Variants in RAVER1 observed in about 807,000 individuals in gnomAD.
RAVER1 encodes the protein ribonucleoprotein PTB-binding 1.
Under a neutral mutation model 68.4 loss-of-function variants are expected in RAVER1, and 36 were observed. The observed-to-expected ratio is 0.53, with a 90% CI of 0.40 to 0.70. The LOEUF (loss-of-function observed/expected upper bound fraction) is 0.70. RAVER1 is among the 30% of genes least tolerant of loss of function. The pLI, the probability that RAVER1 is intolerant of heterozygous loss-of-function variation, is 0.00. For synonymous variants in RAVER1, 469 were observed against 472.7 expected, an observed-to-expected ratio of 0.99 and a Z score of 0.10; for missense variants, 933 against 1,019.8, an observed-to-expected ratio of 0.91 and a Z score of 1.16.
Position 10,316,496 on chromosome 19 carries a change from A to G in RAVER1, c.*958T>C. 1.0e-6 allele frequency: 1 copy of G among 989,932 alleles called. No individual in the cohort carries two copies. The highest frequency in any genetic ancestry group is 1.2e-6 in the Non-Finnish European group (1 of 832,698). 61.3% of individuals were successfully genotyped at this position (989,932 alleles called of 1,614,324 possible). On this transcript the variant is annotated 3_prime_UTR_variant, in exon 13 of 13. Coordinates refer to ENST00000617231, the MANE Select transcript of RAVER1 (RefSeq NM_133452.3). ...ATCTGGCCGGGGGTGGGCAGGCAGA[A>G]TTCAAGAATTCATCTTCAACAAGCG... is the stretch of plus-strand genomic sequence containing the variant.
At chr19:10,332,299 C>T in intron 1 of RAVER1, among the ~76,000 whole-genome samples, 1 of 152,298 alleles carries the variant, frequency 6.6e-6, no homozygotes, top group Non-Finnish European at 1.5e-5. Context: ...TGCCCAGCCT[C>T]TCAAGCCAGC....
rs188853875 is a variant in RAVER1, at chr19:10,329,056, G to A, written c.342C>T (p.His114=). The A allele has an allele frequency of 5.4e-5, 83 of 1,528,802 alleles. 1 individual carries two copies. The East Asian group carries it at 1.7e-3, about 31-fold the overall frequency. The allele number at this position is 1,528,802 out of a possible 1,614,324, so 94.7% of individuals were successfully genotyped here. The change falls in exon 3 of 13, where the codon CAC becomes CAT. Residue 114 remains histidine, a synonymous_variant. Coordinates refer to ENST00000617231, the MANE Select transcript of RAVER1 (RefSeq NM_133452.3). The surrounding 1 kb of genome is among the most constrained non-coding windows in gnomAD (Gnocchi z 4.6). The part of the protein sequence containing the change: ...EQAEAAINAF[H]QSRLRERELS... ...GTTCACGCTCCCGCAGGCGGCTCTG[G>A]TGGAAAGCATTGATTGCGGCCTCGG...
rs972718059 is a variant in RAVER1, at chr19:10,318,090, A to C, written c.1989+139T>G. 1.6e-5 allele frequency: 11 copies of C among 685,670 alleles called. No homozygotes were observed. In the African/African-American group the frequency reaches 2.0e-4, roughly 13 times the overall value. The allele number at this position is 685,670 out of a possible 1,614,324, so 42.5% of individuals were successfully genotyped here. A position where few individuals can be genotyped will look rare whatever the true frequency, so the allele number is the denominator to read the frequency against. On this transcript the variant is annotated intron_variant, in intron 11 of 12. Transcript: ENST00000617231. The stretch of plus-strand genomic sequence containing the variant: ...GGATGGAGGACAATAGGCTGTTGCT[A>C]CTCCACCCTGAGCAAGACCAACCCC...
At position 10,328,694 on chromosome 19, in the gene RAVER1, A is replaced by C. The variant is rs778928206; in HGVS notation, c.704T>G (p.Val235Gly). ...VDRLPPGFND[V>G]DALCRALSAV... is the part of the protein sequence containing the mutation. ...TGACAGCGCCCGGCACAGAGCGTCC[A>C]CATCGTTGAAGCCAGGTGGCAGGCG... Residue 235 changes from valine to glycine, a missense_variant, in exon 3 of 13, where the codon GTG (valine) becomes GGG (glycine). Physicochemically the swap from Val to Gly is moderately radical, Grantham distance 109 (BLOSUM62 -3). This residue lies in a region of RAVER1 where 699 missense variants were observed against 731.1 expected (regional missense o/e 0.96). Transcript: ENST00000617231. The surrounding 1 kb of genome is among the most constrained non-coding windows in gnomAD (Gnocchi z 4.4). 1.0e-5 allele frequency: 16 copies of C among 1,603,268 alleles called. No individual in the cohort carries two copies. The Admixed American group carries it at 2.4e-4, about 24-fold the overall frequency.
At chr19:10,321,410 G>T in intron 7 of RAVER1, 121 bp downstream of exon 7, 1 of 898,908 alleles carries the variant, frequency 1.1e-6, no homozygotes. Flanking sequence ...CTGAGTGGAG[G>T]GCACCCAACT....
chr19:10,333,343 G>C lies in RAVER1; in HGVS notation c.165C>G (p.Phe55Leu). 6.2e-7 allele frequency: 1 copy of C among 1,613,840 alleles called. No individual in the cohort carries two copies. The highest frequency in any genetic ancestry group is 8.5e-7 in the Non-Finnish European group (1 of 1,179,784). The change falls in exon 1 of 13, where the codon TTC becomes TTG. Residue 55 changes from phenylalanine (F) to leucine (L), a missense_variant. Phe to Leu is a conservative substitution (Grantham distance 22). Coordinates refer to ENST00000617231, the MANE Select transcript of RAVER1 (RefSeq NM_133452.3). This position sits in a 1 kb window ranked among gnomAD's most constrained non-coding sequence, Gnocchi z 4.2. ...GGATCAGTATCTTGCGGCGGTTACGGAACTGGCGCTCGGTGTGTTCCAGGC... is the reference window on the plus strand; with the variant it reads ...GGATCAGTATCTTGCGGCGGTTACGCAACTGGCGCTCGGTGTGTTCCAGGC... ...RKRLEHTERQ[F>L]RNRRKILIRG...
Position 10,320,922 on chromosome 19 carries a change from G to C in RAVER1, c.1503C>G (p.Asp501Glu). The C allele has an allele frequency of 1.3e-6, 2 of 1,497,340 alleles. No homozygotes were observed. The highest frequency in any genetic ancestry group is 2.5e-5 in the Admixed American group (1 of 40,580). The allele number at this position is 1,497,340 out of a possible 1,614,324, so 92.8% of individuals were successfully genotyped here. ...GGTAGGGATTCAGGGGAATCCGGTAGTCCTTGGGGGGCTCCCCCAGCAGTG... is the reference window on the plus strand; with the variant it reads ...GGTAGGGATTCAGGGGAATCCGGTACTCCTTGGGGGGCTCCCCCAGCAGTG... ...GVSLLGEPPK[D>E]YRIPLNPYLN... Residue 501 changes from aspartate (D) to glutamate (E), a missense_variant, in exon 9 of 13, where the codon GAC becomes GAG. Physicochemically the swap from Asp to Glu is conservative, Grantham distance 45. This residue lies in a region of RAVER1 where 699 missense variants were observed against 731.1 expected (regional missense o/e 0.96). Transcript: ENST00000617231.
In RAVER1 at chr19:10,320,281, C is replaced by T. The variant is rs147536270; in HGVS notation, c.1770+374G>A. 4.8e-3 allele frequency among the ~76,000 whole-genome samples: 726 copies of T among 151,882 alleles called. 8 individuals are homozygous for T. The highest frequency in any genetic ancestry group is 0.016 in the African/African-American group (683 of 41,426). ...TACTTTGGGAGGCTGAGGCGGGTGG[C>T]TCACTTGAGGTCAGGAGTTTGAGAC... is the stretch of plus-strand genomic sequence containing the variant. On this transcript the variant is annotated intron_variant, in intron 9 of 12. Coordinates refer to ENST00000617231, the MANE Select transcript of RAVER1 (RefSeq NM_133452.3).
In RAVER1 at chr19:10,329,437, G is replaced by A. The variant is rs2040498457; in HGVS notation, c.287-326C>T. Among the ~76,000 whole-genome samples, 1 of 152,244 alleles carries A rather than the reference G, an allele frequency of 6.6e-6. No individual in the cohort carries two copies. The highest frequency in any genetic ancestry group is 2.1e-4 in the South Asian group (1 of 4,830). Reference sequence around the variant, plus strand: ...AGTGGTTAAGCCCATGCTCACTGGGGCCCAGATTTAAGCCCCAAGCCCCAG... The same window carrying A: ...AGTGGTTAAGCCCATGCTCACTGGGACCCAGATTTAAGCCCCAAGCCCCAG... On this transcript the variant is annotated intron_variant, in intron 2 of 12. Transcript: ENST00000617231. The surrounding 1 kb of genome is among the most constrained non-coding windows in gnomAD (Gnocchi z 4.6).
In RAVER1 at chr19:10,320,770, C is replaced by T; in HGVS notation, c.1655G>A (p.Gly552Asp). ...CTGGAAGGCTTTGCTGCTGCTGCTG[C>T]CACCTCCAGGGGCTGGGGGGTTAGT... ...PPTNPPAPGG[G>D]SSSSKAFQLK... Residue 552 changes from glycine (G) to aspartate (D), a missense_variant, in exon 9 of 13, where the codon GGC (glycine) becomes GAC (aspartate). Coordinates refer to ENST00000617231, the MANE Select transcript of RAVER1 (RefSeq NM_133452.3). The T allele has an allele frequency of 6.7e-7, 1 of 1,502,716 alleles. No individual in the cohort carries two copies. Among genetic ancestry groups the T allele is most frequent in the African/African-American group, 1.5e-5 (1 of 67,852 alleles). The allele number at this position is 1,502,716 out of a possible 1,614,324, so 93.1% of individuals were successfully genotyped here.
At chr19:10,331,356 C>CAAAAAAAA (rs58419369) in intron 1 of RAVER1, among the ~76,000 whole-genome samples, 5 of 29,170 alleles carry the variant, frequency 1.7e-4, no homozygotes, top group Admixed American at 5.3e-4. Flanking sequence ...GACTCCGTCT[C>CAAAAAAAA]AAAAAAAAAA....
Position 10,319,207 on chromosome 19 carries a change from G to T in RAVER1, c.1804C>A (p.Arg602=). The T allele has an allele frequency of 6.2e-7, 1 of 1,613,876 alleles. No individual in the cohort carries two copies. The highest frequency in any genetic ancestry group is 1.1e-5 in the South Asian group (1 of 91,088). Residue 602 remains arginine (R), a synonymous_variant, in exon 10 of 13, where the codon CGG becomes AGG. Coordinates refer to ENST00000617231, the MANE Select transcript of RAVER1 (RefSeq NM_133452.3). ...MGPRRLFSHP[R]EPALGPHGPS... ...CCGTGAGGCCCAAGGGCTGGTTCCC[G>T]TGGGTGGGAGAAGAGCCGCCGAGGT...
In RAVER1 at chr19:10,333,282, C is replaced by T. The variant is rs376229949; in HGVS notation, c.219+7G>A. 11 of 1,612,236 alleles carry T rather than the reference C, an allele frequency of 6.8e-6. No individual in the cohort carries two copies. Among genetic ancestry groups the T allele is most frequent in the South Asian group, 4.4e-5 (4 of 91,038 alleles). ...CCGCCACGCTCCTACACCGCCCCCC[C>T]CAATACCTGGTTGGTCACGTCCCCC... is the stretch of plus-strand genomic sequence containing the variant. On this transcript the variant is annotated splice_region_variant and intron_variant, in intron 1 of 12. Transcript: ENST00000617231. The surrounding 1 kb of genome is among the most constrained non-coding windows in gnomAD (Gnocchi z 4.2).
chr19:10,330,391 G>A, intron 2 of RAVER1, 69 bp downstream of exon 2: 2 of 767,588 alleles, frequency 2.6e-6, no homozygotes, highest in Non-Finnish European at 4.6e-6. Context: ...GCAGCAGACA[G>A]TGAGCCAGGC....
In RAVER1 at chr19:10,321,052, G is replaced by C; in HGVS notation, c.1469C>G (p.Pro490Arg). ...GCGCGCAGGGCAGGGCCTTACCCCA[G>C]GGGGCGTCGGCAGAGGCCCACTGTC... ...QKDSGPLPTP[P>R]GVSLLGEPPK... is the part of the protein sequence containing the mutation. Residue 490 changes from proline to arginine, a missense_variant, in exon 8 of 13, where the codon CCT becomes CGT. Transcript: ENST00000617231. 7.2e-7 allele frequency: 1 copy of C among 1,391,218 alleles called. No individual in the cohort carries two copies. The highest frequency in any genetic ancestry group is 9.3e-7 in the Non-Finnish European group (1 of 1,073,810). 86.2% of individuals were successfully genotyped at this position (1,391,218 alleles called of 1,614,324 possible).
In RAVER1 at chr19:10,330,446, A is replaced by G. The variant is rs1317758383; in HGVS notation, c.286+14T>C. 4.3e-6 allele frequency: 6 copies of G among 1,393,782 alleles called. No homozygotes were observed. The highest frequency in any genetic ancestry group is 5.0e-6 in the Non-Finnish European group (5 of 996,482). 86.3% of individuals were successfully genotyped at this position (1,393,782 alleles called of 1,614,324 possible). Reference sequence around the variant, plus strand: ...GTCACTCCCTGCCCTGGCCCGCCCCATGGCCCCACAAACCTGTCCCTTTGT... The same window carrying G: ...GTCACTCCCTGCCCTGGCCCGCCCCGTGGCCCCACAAACCTGTCCCTTTGT... On this transcript the variant is annotated intron_variant, in intron 2 of 12. Transcript: ENST00000617231.
At position 10,333,279 on chromosome 19, in the gene RAVER1, C is replaced by T. The variant is rs1346410539; in HGVS notation, c.219+10G>A. The T allele has an allele frequency of 6.2e-7, 1 of 1,611,024 alleles. No individual in the cohort carries two copies. Among genetic ancestry groups the T allele is most frequent in the Admixed American group, 1.7e-5 (1 of 59,852 alleles). The stretch of plus-strand genomic sequence containing the variant: ...TTCCCGCCACGCTCCTACACCGCCC[C>T]CCCCAATACCTGGTTGGTCACGTCC... On this transcript the variant is annotated intron_variant, in intron 1 of 12. Transcript: ENST00000617231. This position sits in a 1 kb window ranked among gnomAD's most constrained non-coding sequence, Gnocchi z 4.2.
intron 9 of RAVER1, among the ~76,000 whole-genome samples, chr19:10,319,588 C>CT (rs530934788): frequency 0.03 from 4,359 of 146,112 alleles, 80 homozygotes; most frequent in East Asian, 0.049. Flanking sequence ...CAATTTCTTT[C>CT]TTTTTTTTTT....
intron 9 of RAVER1, 31 bp downstream of exon 9, chr19:10,320,624 A>AC (rs1555711772): frequency 3.3e-6 from 5 of 1,527,822 alleles, no homozygotes; most frequent in Middle Eastern, 1.7e-4. Context: ...ATTTGGCCTT[A>AC]GGGGACAGAG....
Sources: gnomAD v4.1 joint callset for allele counts (sites outside exome capture counted in the v4.1 genomes callset) on GRCh38, gnomAD v4.1.1 for gene constraint, gnomAD v4.1.1 regional missense constraint, Gnocchi (gnomAD v3.1) non-coding constraint, MANE v1.5 for transcripts, NCBI Gene and HGNC (gene_info 2026-07-23, HGNC 2026-07-21) for gene names.